PTPRF: variants seen among roughly 807,000 people sequenced by gnomAD.
PTPRF encodes protein tyrosine phosphatase receptor type F.
In PTPRF, 59 loss-of-function variants were observed where a neutral mutation model predicts 201.8. That is an observed-to-expected ratio of 0.29 (90% CI 0.24 to 0.36). The LOEUF is 0.36. PTPRF is among the 10% of genes least tolerant of loss of function. The pLI is 1.00. For synonymous variants in PTPRF, 1,088 were observed against 1,089.7 expected, an observed-to-expected ratio of 1.00 and a Z score of 0.03; for missense variants, 2,132 against 2,690.5, an observed-to-expected ratio of 0.79 and a Z score of 4.59.
At chr1:43,579,256 GCA>G (rs1185598603) in intron 7 of PTPRF, 26 of 527,284 alleles carry the variant, frequency 4.9e-5, no homozygotes, top group South Asian at 3.2e-4. Context: ...ATGTGTGTGT[GCA>G]CACACGGGCA....
chr1:43,581,825 G>T, intron 7 of PTPRF, among the ~76,000 whole-genome samples: 1 of 152,236 alleles, frequency 6.6e-6, no homozygotes, highest in Non-Finnish European at 1.5e-5. Context: ...CAGACGGCTT[G>T]ATGTGGGCTC....
At position 43,554,841 on chromosome 1, in the gene PTPRF, T is replaced by TTTTC. The variant is rs1272082488; in HGVS notation, c.379+916_379+919dup. Among the ~76,000 whole-genome samples the TTTTC allele has an allele frequency of 6.7e-6, 1 of 149,186 alleles. No homozygotes were observed. Among genetic ancestry groups the TTTTC allele is most frequent in the Non-Finnish European group, 1.5e-5 (1 of 67,684 alleles). The stretch of plus-strand genomic sequence containing the variant: ...ATCGATTGTTGCTTGCTTTTTTTTC[T>TTTTC]TTTCTTTCTTTCTTTCTTTTTTTTT... On this transcript the variant is annotated intron_variant, in intron 5 of 33. Transcript: ENST00000359947. This position sits in a 1 kb window ranked among gnomAD's most constrained non-coding sequence, Gnocchi z 4.1.
chr1:43,534,519 A>G (rs1643888336), intron 1 of PTPRF, among the ~76,000 whole-genome samples: 1 of 152,154 alleles, frequency 6.6e-6, no homozygotes, highest in Non-Finnish European at 1.5e-5. Flanking sequence ...AGGAAGAGGA[A>G]GGAGTCCAGG....
chr1:43,556,941 C>T (rs867440726), intron 5 of PTPRF, among the ~76,000 whole-genome samples: 2 of 152,258 alleles, frequency 1.3e-5, no homozygotes, highest in African/African-American at 4.8e-5. Flanking sequence ...ACTCAGAGAA[C>T]AGGCCCTGGG....
chr1:43,611,666 G>A (rs1479621090), intron 22 of PTPRF, among the ~76,000 whole-genome samples: 3 of 152,188 alleles, frequency 2.0e-5, no homozygotes, highest in East Asian at 3.9e-4. Context: ...GGATTAGAGA[G>A]GAGAAATTGA....
intron 3 of PTPRF, 66 bp downstream of exon 3, chr1:43,545,232 CTG>C: frequency 6.7e-7 from 1 of 1,492,130 alleles, no homozygotes; most frequent in Non-Finnish European, 9.1e-7. Flanking sequence ...CAGCAGGACT[CTG>C]GGATGGGGAC....
chr1:43,563,851 T>C (rs983474305), intron 5 of PTPRF, among the ~76,000 whole-genome samples: 4 of 151,914 alleles, frequency 2.6e-5, no homozygotes, highest in Non-Finnish European at 5.9e-5. Context: ...GAGAGTCCAG[T>C]GTGGGCCCGA....
At chr1:43,614,955 C>G (rs1657390276) in intron 23 of PTPRF, among the ~76,000 whole-genome samples, 1 of 152,154 alleles carries the variant, frequency 6.6e-6, no homozygotes. Flanking sequence ...GCAGCCTGTG[C>G]TTGTCGTTCT....
At position 43,606,350 on chromosome 1, in the gene PTPRF, T is replaced by C. The variant is rs781330954; in HGVS notation, c.3594T>C (p.Phe1198=). 2 of 1,614,132 alleles carry C rather than the reference T, an allele frequency of 1.2e-6. No individual in the cohort carries two copies. The highest frequency in any genetic ancestry group is 1.7e-6 in the Non-Finnish European group (2 of 1,179,992). Residue 1198 remains phenylalanine (F), a synonymous_variant, in exon 20 of 34, where the codon TTT becomes TTC. Coordinates refer to ENST00000359947, the MANE Select transcript of PTPRF (RefSeq NM_002840.5). ...AAQLDVLPET[F]TLGDKKNYRG... ...AACTGGATGTGCTCCCGGAGACCTT[T>C]ACCTTGGGGGACAAGAAGAACTACC...
At chr1:43,565,028 A>C (rs1646063006) in intron 5 of PTPRF, among the ~76,000 whole-genome samples, 1 of 151,640 alleles carries the variant, frequency 6.6e-6, no homozygotes, top group Non-Finnish European at 1.5e-5. Flanking sequence ...CTCCCACCAG[A>C]CTCGCCTTGG....
intron 2 of PTPRF, among the ~76,000 whole-genome samples, chr1:43,541,723 G>A (rs1644374349): frequency 6.6e-6 from 1 of 152,136 alleles, no homozygotes; most frequent in African/African-American, 2.4e-5. Flanking sequence ...AAGGGCAGTT[G>A]GCAGCTTTAC....
intron 23 of PTPRF, 58 bp downstream of exon 23, chr1:43,613,773 T>G: frequency 1.9e-5 from 27 of 1,435,574 alleles, no homozygotes; most frequent in Non-Finnish European, 2.4e-5. Context: ...AACCAGCTCC[T>G]GTCCTGTCCT....
chr1:43,570,022 C>T (rs1264195165), intron 6 of PTPRF, among the ~76,000 whole-genome samples: 1 of 152,190 alleles, frequency 6.6e-6, no homozygotes, highest in African/African-American at 2.4e-5. Context: ...CCCCTCCCAG[C>T]ACATGTGATG....
At position 43,588,214 on chromosome 1, in the gene PTPRF, A is replaced by T. The variant is rs1440985670; in HGVS notation, c.680-517A>T. Among the ~76,000 whole-genome samples the T allele has an allele frequency of 3.3e-5, 5 of 152,068 alleles. No homozygotes were observed. Among genetic ancestry groups the T allele is most frequent in the African/African-American group, 1.2e-4 (5 of 41,392 alleles). ...TTCTTCCCCTCAGGCCATGGCCTGG[A>T]GGTGGAGGCAGTGACTCCACGGCAG... On this transcript the variant is annotated intron_variant, in intron 7 of 33. Transcript: ENST00000359947. This position sits in a 1 kb window ranked among gnomAD's most constrained non-coding sequence, Gnocchi z 5.3.
chr1:43,551,019 A>G (rs963679348), intron 3 of PTPRF, among the ~76,000 whole-genome samples: 3 of 152,198 alleles, frequency 2.0e-5, no homozygotes, highest in Non-Finnish European at 4.4e-5. Flanking sequence ...TGTCTGCCAT[A>G]ACAGGTGTTT....
At chr1:43,598,691 C>G (rs370018298) in intron 12 of PTPRF, 29 bp from the exon 13 acceptor site, 2 of 1,601,736 alleles carry the variant, frequency 1.2e-6, no homozygotes, top group Non-Finnish European at 1.7e-6. Context: ...ACCTCCAGGC[C>G]TGACTTCCTT....
At chr1:43,602,354 G>A (rs972804836) in intron 14 of PTPRF, among the ~76,000 whole-genome samples, 2 of 152,240 alleles carry the variant, frequency 1.3e-5, no homozygotes, top group Non-Finnish European at 2.9e-5. Flanking sequence ...CCCCTGCCCC[G>A]GCCAGACAGG....
intron 23 of PTPRF, among the ~76,000 whole-genome samples, chr1:43,614,589 G>A (rs908725779): frequency 2.0e-5 from 3 of 152,158 alleles, no homozygotes; most frequent in Admixed American, 6.5e-5. Context: ...AGTCGCTCAC[G>A]CCTGTAATCC....
chr1:43,616,590 G>A (rs1657919088), intron 23 of PTPRF, among the ~76,000 whole-genome samples: 3 of 152,074 alleles, frequency 2.0e-5, no homozygotes, highest in South Asian at 4.2e-4. Context: ...GGTGGAGGCC[G>A]GAGGAATTTT....
Sources: gnomAD v4.1 joint callset for allele counts (sites outside exome capture counted in the v4.1 genomes callset) on GRCh38, gnomAD v4.1.1 for gene constraint, Gnocchi (gnomAD v3.1) non-coding constraint, MANE v1.5 for transcripts, NCBI Gene and HGNC (gene_info 2026-07-23, HGNC 2026-07-21) for gene names.